Variants in TMEM114 observed in about 807,000 individuals in gnomAD.
TMEM114 encodes the protein transmembrane protein 114, also known as claudin-26.
TMEM114 carries 6 observed loss-of-function variants against 6.2 expected under a neutral mutation model. The ratio of observed to expected loss-of-function variants is 0.97; its 90% CI spans 0.53 to 1.91. The LOEUF is 1.91. Ranked by LOEUF, TMEM114 falls within the 40% of genes most tolerant of loss-of-function variation. TMEM114 has a pLI of 0.01. For synonymous variants in TMEM114, 104 were observed against 73.0 expected (o/e 1.42, Z -2.16); for missense variants, 218 against 158.3 (o/e 1.38, Z -2.02).
chr16:8,574,323 T>C (rs1360033027), intron 2 of TMEM114, among the ~76,000 whole-genome samples: 1 of 152,196 alleles, frequency 6.6e-6, no homozygotes, highest in African/African-American at 2.4e-5. Flanking sequence ...AGATGTGCAG[T>C]GTTGCGTCCC....
At chr16:8,558,449 A>G (rs547531254) in intron 2 of TMEM114, among the ~76,000 whole-genome samples, 1 of 152,068 alleles carries the variant, frequency 6.6e-6, no homozygotes, top group Admixed American at 6.5e-5. Flanking sequence ...CCATCCTCAC[A>G]TGGTCTTCTT....
chr16:8,547,740 G>A (rs1468236839), intron 2 of TMEM114, among the ~76,000 whole-genome samples: 1 of 152,118 alleles, frequency 6.6e-6, no homozygotes. Flanking sequence ...GTCTTCTCAG[G>A]CAGGAGGAGG....
At chr16:8,557,039 G>T (rs1901035415) in intron 2 of TMEM114, among the ~76,000 whole-genome samples, 1 of 152,116 alleles carries the variant, frequency 6.6e-6, no homozygotes, top group African/African-American at 2.4e-5. Flanking sequence ...AATCGGTGAG[G>T]CTTGAGGAAA....
At chr16:8,561,084 T>A (rs1901184488) in intron 2 of TMEM114, among the ~76,000 whole-genome samples, 1 of 152,318 alleles carries the variant, frequency 6.6e-6, no homozygotes, top group East Asian at 1.9e-4. Flanking sequence ...ACTGCTCCCA[T>A]GATTCGATTA....
At chr16:8,581,897 G>A (rs1324768614) in intron 2 of TMEM114, among the ~76,000 whole-genome samples, 3 of 152,270 alleles carry the variant, frequency 2.0e-5, no homozygotes, top group African/African-American at 7.2e-5. Context: ...CTCCTTCCCT[G>A]ACTGCCTGCA....
intron 2 of TMEM114, among the ~76,000 whole-genome samples, chr16:8,554,177 T>G (rs1900933434): frequency 6.6e-6 from 1 of 152,102 alleles, no homozygotes; most frequent in Non-Finnish European, 1.5e-5. Context: ...AAGAGATGCA[T>G]TTGAAAGGGC....
downstream of TMEM114, among the ~76,000 whole-genome samples, chr16:8,567,682 G>A (rs1901589546): frequency 6.6e-6 from 1 of 152,128 alleles, no homozygotes; most frequent in African/African-American, 2.4e-5. Flanking sequence ...GTGGGGGAGA[G>A]AATCGCCCCA....
At chr16:8,538,281 G>A (rs1308514774) in intron 2 of TMEM114, among the ~76,000 whole-genome samples, 1 of 151,426 alleles carries the variant, frequency 6.6e-6, no homozygotes, top group Non-Finnish European at 1.5e-5. Context: ...AGACCAAGAT[G>A]ATGTCTCAAA....
At chr16:8,565,207 A>G (rs4580141), downstream of TMEM114, among the ~76,000 whole-genome samples, 98,313 of 151,994 alleles carry the variant, frequency 0.65, 31,860 homozygotes, top group East Asian at 0.75. Context: ...AAATGTATGA[A>G]TAAATGAATA....
At chr16:8,585,955 G>A (rs961755408) in intron 2 of TMEM114, among the ~76,000 whole-genome samples, 1 of 152,222 alleles carries the variant, frequency 6.6e-6, no homozygotes, top group Admixed American at 6.5e-5. Flanking sequence ...GACTGAGGGT[G>A]AACGAGTGAA....
the TMEM114 span, among the ~76,000 whole-genome samples, chr16:8,528,978 T>C: frequency 3.3e-5 from 5 of 152,312 alleles, no homozygotes; most frequent in South Asian, 8.3e-4. Flanking sequence ...CTAGATCTTG[T>C]CTATTTCATG....
chr16:8,527,768 G>T, the TMEM114 span, among the ~76,000 whole-genome samples: 1 of 152,156 alleles, frequency 6.6e-6, no homozygotes, highest in African/African-American at 2.4e-5. Context: ...AAGAGGATCC[G>T]ATTCTAAATC....
downstream of TMEM114, among the ~76,000 whole-genome samples, chr16:8,536,688 G>C (rs746483354): frequency 1.3e-5 from 2 of 151,756 alleles, no homozygotes; most frequent in Non-Finnish European, 2.9e-5. Context: ...TTGTTTGTTT[G>C]TTTTGGGTTT....
intron 2 of TMEM114, among the ~76,000 whole-genome samples, chr16:8,540,857 T>G (rs886426287): frequency 6.6e-6 from 1 of 152,208 alleles, no homozygotes; most frequent in African/African-American, 2.4e-5. Flanking sequence ...CAGGAGGACT[T>G]GATCTAATGA....
At position 8,550,852 on chromosome 16, in the gene TMEM114, G is replaced by A. The variant is rs150583777; in HGVS notation, n.213-13026C>T. On this transcript the variant is annotated intron_variant and non_coding_transcript_variant, in intron 2 of 2. Transcript: ENST00000623677. ...TCCCCTTCTTCACCCTGTGGTCCTC[G>A]CTGAACCCACAGGATAGAACATCCA... Among the ~76,000 whole-genome samples, 4 of 152,138 alleles carry A rather than the reference G, an allele frequency of 2.6e-5. No individual in the cohort carries two copies. The East Asian group carries it at 5.8e-4, about 22-fold the overall frequency.
chr16:8,577,388 GT>G (rs1396400076), intron 2 of TMEM114, among the ~76,000 whole-genome samples: 1 of 152,086 alleles, frequency 6.6e-6, no homozygotes, highest in African/African-American at 2.4e-5. Flanking sequence ...CCCTGTTGAT[GT>G]TCTTGGGAGA....
intron 2 of TMEM114, among the ~76,000 whole-genome samples, chr16:8,578,905 G>T (rs1293969267): frequency 2.0e-5 from 3 of 152,166 alleles, no homozygotes; most frequent in African/African-American, 7.2e-5. Context: ...CTTGAACCTG[G>T]GAGGCGGAGG....
At chr16:8,542,381 A>G (rs966571157) in intron 2 of TMEM114, among the ~76,000 whole-genome samples, 1 of 152,194 alleles carries the variant, frequency 6.6e-6, no homozygotes, top group African/African-American at 2.4e-5. Flanking sequence ...AGAAACCCAG[A>G]TAAGGAGATG....
At chr16:8,569,464 G>T, downstream of TMEM114, 4 of 1,204,210 alleles carry the variant, frequency 3.3e-6, no homozygotes, top group Non-Finnish European at 4.2e-6. Context: ...GAAGTCGGAG[G>T]GGGCGTGAGG....
Sources: gnomAD v4.1 joint callset for allele counts (sites outside exome capture counted in the v4.1 genomes callset) on GRCh38, gnomAD v4.1.1 for gene constraint, MANE v1.5 for transcripts, NCBI Gene and HGNC (gene_info 2026-07-23, HGNC 2026-07-21) for gene names.